The following CCSER1 variants were observed in gnomAD, a reference collection of about 807,000 sequenced individuals.
The protein encoded by CCSER1 is coiled-coil serine rich protein 1.
Under a neutral mutation model 82.0 loss-of-function variants are expected in CCSER1, and 41 were observed. The observed-to-expected ratio is 0.50, with a 90% CI of 0.39 to 0.65. CCSER1 has a LOEUF of 0.65. Ranked by LOEUF, CCSER1 falls within the 30% of genes least tolerant of loss-of-function variation. The pLI is 0.00. For synonymous variants in CCSER1, 414 were observed against 383.9 expected (o/e 1.08, Z -0.92); for missense variants, 1,119 against 1,064.2 (o/e 1.05, Z -0.72).
chr4:90,811,955 CACAT>C (rs1758371330), intron 7 of CCSER1, among the ~76,000 whole-genome samples: 1 of 114,320 alleles, frequency 8.7e-6, no homozygotes, highest in South Asian at 2.9e-4. Flanking sequence ...TTAATAAACT[CACAT>C]ATATATACAC....
chr4:91,069,969 T>G (rs2148764011), intron 9 of CCSER1, among the ~76,000 whole-genome samples: 2 of 149,418 alleles, frequency 1.3e-5, no homozygotes, highest in South Asian at 4.4e-4. Context: ...CAGACTTTCT[T>G]AAGTAAACCT....
intron 3 of CCSER1, among the ~76,000 whole-genome samples, chr4:90,331,819 C>CTT (rs34836949): frequency 6.9e-6 from 1 of 144,712 alleles, no homozygotes; most frequent in East Asian, 2.0e-4. Flanking sequence ...TGTAAGACAG[C>CTT]TTTTTTTTTT....
intron 6 of CCSER1, among the ~76,000 whole-genome samples, chr4:90,666,378 G>T (rs1250279789): frequency 6.6e-6 from 1 of 152,154 alleles, no homozygotes; most frequent in Non-Finnish European, 1.5e-5. Flanking sequence ...TACCATGGTG[G>T]TTGAATTTTA....
intron 3 of CCSER1, among the ~76,000 whole-genome samples, chr4:90,337,678 AT>A (rs1740667058): frequency 1.3e-5 from 2 of 152,044 alleles, no homozygotes; most frequent in African/African-American, 2.4e-5. Flanking sequence ...ATCAAAAAGA[AT>A]GTTGGTTTCT....
In CCSER1 at chr4:90,815,750, A is replaced by T; in HGVS notation, c.2011-12A>T. 1 of 1,544,558 alleles carries T rather than the reference A, an allele frequency of 6.5e-7. No homozygotes were observed. Among genetic ancestry groups the T allele is most frequent in the African/African-American group, 1.4e-5 (1 of 73,048 alleles). The stretch of plus-strand genomic sequence containing the variant: ...CTAAGCCTATTATGCTGTCTCTTTG[A>T]TGTTTTTATAGGATATAATGAAAGA... On this transcript the variant is annotated splice_polypyrimidine_tract_variant and intron_variant, in intron 7 of 10. Transcript: ENST00000509176.
At chr4:90,933,913 C>A (rs2150306600) in intron 9 of CCSER1, among the ~76,000 whole-genome samples, 1 of 151,842 alleles carries the variant, frequency 6.6e-6, no homozygotes, top group African/African-American at 2.4e-5. Flanking sequence ...ACATTTTTTA[C>A]ATTTTGTTTT....
At chr4:91,171,602 A>G (rs1290904061) in intron 10 of CCSER1, among the ~76,000 whole-genome samples, 1 of 152,154 alleles carries the variant, frequency 6.6e-6, no homozygotes, top group East Asian at 1.9e-4. Context: ...TGTCTAAACT[A>G]TTATAGTACC....
chr4:90,205,748 T>G (rs942313886), intron 1 of CCSER1, among the ~76,000 whole-genome samples: 10 of 152,162 alleles, frequency 6.6e-5, no homozygotes, highest in African/African-American at 2.4e-4. Flanking sequence ...TTTTCTATTG[T>G]TTGGAATAGT....
At chr4:91,457,978 T>C (rs142606417) in intron 10 of CCSER1, among the ~76,000 whole-genome samples, 7 of 152,170 alleles carry the variant, frequency 4.6e-5, no homozygotes, top group Admixed American at 1.3e-4. Context: ...TTTAACTATA[T>C]AATGCAATAA....
At chr4:91,105,923 C>CAG (rs1208224235) in intron 10 of CCSER1, among the ~76,000 whole-genome samples, 2 of 151,890 alleles carry the variant, frequency 1.3e-5, no homozygotes, top group African/African-American at 4.8e-5. Context: ...TGTTTTGCTG[C>CAG]AGAAACATCA....
At chr4:90,223,835 C>T (rs887442791) in intron 1 of CCSER1, among the ~76,000 whole-genome samples, 1 of 152,090 alleles carries the variant, frequency 6.6e-6, no homozygotes, top group African/African-American at 2.4e-5. Context: ...TATTTTATTG[C>T]CTTCTCAGTT....
At chr4:90,178,628 C>T (rs867392368) in intron 1 of CCSER1, among the ~76,000 whole-genome samples, 6 of 151,892 alleles carry the variant, frequency 4.0e-5, no homozygotes, top group East Asian at 1.9e-4. Context: ...CATTAGAATT[C>T]GGTATATGAG....
intron 10 of CCSER1, among the ~76,000 whole-genome samples, chr4:91,332,042 A>C (rs552843671): frequency 6.6e-6 from 1 of 152,288 alleles, no homozygotes; most frequent in East Asian, 1.9e-4. Context: ...GATTCTCATT[A>C]GCTTATTGAA....
chr4:91,566,034 G>A (rs1290910363), intron 10 of CCSER1, among the ~76,000 whole-genome samples: 2 of 152,004 alleles, frequency 1.3e-5, no homozygotes, highest in Non-Finnish European at 2.9e-5. Flanking sequence ...GACTGTCATA[G>A]ATAGCTCTTA....
At chr4:91,237,317 T>C (rs998497424) in intron 10 of CCSER1, among the ~76,000 whole-genome samples, 1 of 151,554 alleles carries the variant, frequency 6.6e-6, no homozygotes, top group Non-Finnish European at 1.5e-5. Flanking sequence ...GGGTTACTGA[T>C]TTATTACTTA....
intron 10 of CCSER1, among the ~76,000 whole-genome samples, chr4:91,222,702 T>C (rs1581796645): frequency 6.6e-6 from 1 of 152,182 alleles, no homozygotes; most frequent in East Asian, 1.9e-4. Context: ...TGAGCACTGC[T>C]GTCCAACAAA....
At chr4:90,479,221 G>T (rs1298787220) in intron 5 of CCSER1, among the ~76,000 whole-genome samples, 1 of 151,778 alleles carries the variant, frequency 6.6e-6, no homozygotes, top group African/African-American at 2.4e-5. Context: ...TATAAAGGAA[G>T]AATATAAGTA....
chr4:90,867,072 G>T (rs1010872506), intron 8 of CCSER1, among the ~76,000 whole-genome samples: 3 of 151,972 alleles, frequency 2.0e-5, no homozygotes, highest in African/African-American at 7.2e-5. Flanking sequence ...TTAATTAGCT[G>T]AATTACTTCT....
At chr4:90,883,688 T>G (rs1009878906) in intron 8 of CCSER1, among the ~76,000 whole-genome samples, 1 of 152,190 alleles carries the variant, frequency 6.6e-6, no homozygotes, top group African/African-American at 2.4e-5. Context: ...CAGGTGCCAG[T>G]TAGCAGAGAG....
Sources: gnomAD v4.1 joint callset for allele counts (sites outside exome capture counted in the v4.1 genomes callset) on GRCh38, gnomAD v4.1.1 for gene constraint, MANE v1.5 for transcripts, NCBI Gene and HGNC (gene_info 2026-07-23, HGNC 2026-07-21) for gene names.